The following MEP1A variants were observed in gnomAD, a reference collection of about 807,000 sequenced individuals.
MEP1A encodes meprin A subunit alpha, also known as N-benzoyl-L-tyrosyl-P-amino-benzoic acid hydrolase subunit alpha.
MEP1A carries 68 observed loss-of-function variants against 84.5 expected under a neutral mutation model. That is an observed-to-expected ratio of 0.80 (90% CI 0.66 to 0.98). MEP1A has a LOEUF of 0.98. Ranked by LOEUF, MEP1A falls within the 50% of genes least tolerant of loss-of-function variation. The pLI is 0.00. For missense variants in MEP1A, 887 were observed against 919.9 expected (o/e 0.96, Z 0.46); for synonymous variants, 337 against 336.8 (o/e 1.00, Z -0.01).
chr6:46,796,551 AAG>A (rs1562102071), intron 3 of MEP1A, among the ~76,000 whole-genome samples: 1 of 152,200 alleles, frequency 6.6e-6, no homozygotes. Context: ...TCCCCCAATC[AAG>A]AGAGTCATCT....
chr6:46,819,614 G>C lies in MEP1A; in HGVS notation c.466G>C (p.Glu156Gln), dbSNP rs375010661. The part of the protein sequence containing the change: ...GCAYKAIIEH[E>Q]ILHALGFYHE... ...TGCCTATAAGGCCATCATAGAACAC[G>C]AGATCCTGCATGCTTTGGGATTTTA... The change falls in exon 7 of 14, where the codon GAG (glutamate) becomes CAG (glutamine). Residue 156 changes from glutamate to glutamine, a missense_variant. Transcript: ENST00000230588. The C allele has an allele frequency of 2.5e-6, 4 of 1,614,094 alleles. No individual in the cohort carries two copies. In the East Asian group the frequency reaches 8.9e-5, roughly 36 times the overall value.
chr6:46,809,154 A>G (rs955540928), intron 5 of MEP1A, among the ~76,000 whole-genome samples: 8 of 152,050 alleles, frequency 5.3e-5, no homozygotes, highest in Non-Finnish European at 1.2e-4. Context: ...ATTTAGCCAT[A>G]TACACATGTG....
chr6:46,835,346 A>G lies in MEP1A; in HGVS notation c.1881A>G (p.Glu627=), dbSNP rs1337144545. Residue 627 remains glutamate, a synonymous_variant, in exon 13 of 14, where the codon GAA becomes GAG. Coordinates refer to ENST00000230588, the MANE Select transcript of MEP1A (RefSeq NM_005588.3). Reference sequence around the variant, plus strand: ...AAGGCCAGGAGCAGCAGGTCTCCGAAGAAGGTTCGGGAAAGGCCATGTTAG... The same window carrying G: ...AAGGCCAGGAGCAGCAGGTCTCCGAGGAAGGTTCGGGAAAGGCCATGTTAG... ...ILQGQEQQVS[E]EGSGKAMLEE... The G allele has an allele frequency of 1.4e-5, 22 of 1,610,870 alleles. No individual in the cohort carries two copies. The highest frequency in any genetic ancestry group is 1.9e-5 in the Non-Finnish European group (22 of 1,178,616).
chr6:46,810,141 T>A (rs28785288), intron 6 of MEP1A, among the ~76,000 whole-genome samples: 3 of 152,034 alleles, frequency 2.0e-5, no homozygotes, highest in Non-Finnish European at 4.4e-5. Context: ...TTTTAAAAAT[T>A]TTTTAATTAT....
At chr6:46,825,519 T>G in intron 8 of MEP1A, 26 bp downstream of exon 8, 3 of 1,506,738 alleles carry the variant, frequency 2.0e-6, no homozygotes, top group Middle Eastern at 1.7e-4. Context: ...TCTGAGAACT[T>G]GGTAAACTAG....
chr6:46,811,495 C>T (rs1056553792), intron 6 of MEP1A, among the ~76,000 whole-genome samples: 2 of 151,962 alleles, frequency 1.3e-5, no homozygotes, highest in Admixed American at 1.3e-4. Flanking sequence ...TTGGCTAGGA[C>T]TTCCAGTAGT....
chr6:46,823,218 A>G (rs1445056746), intron 7 of MEP1A, among the ~76,000 whole-genome samples: 1 of 152,242 alleles, frequency 6.6e-6, no homozygotes, highest in Non-Finnish European at 1.5e-5. Flanking sequence ...AGACTCCCTC[A>G]GGCACCTGCT....
At chr6:46,797,792 C>CCCTT (rs1554188240) in intron 3 of MEP1A, among the ~76,000 whole-genome samples, 1 of 136,690 alleles carries the variant, frequency 7.3e-6, no homozygotes, top group Admixed American at 7.4e-5. Context: ...TTCTTTCTTT[C>CCCTT]TCTTTCTTTC....
downstream of MEP1A, among the ~76,000 whole-genome samples, chr6:46,844,383 CAGAGT>C (rs1768380967): frequency 6.6e-6 from 1 of 151,946 alleles, no homozygotes; most frequent in African/African-American, 2.4e-5. Flanking sequence ...ACAGTGATAT[CAGAGT>C]AAAGACAAGA....
At chr6:46,809,799 G>GGT (rs757563081) in intron 6 of MEP1A, among the ~76,000 whole-genome samples, 91 of 149,876 alleles carry the variant, frequency 6.1e-4, no homozygotes, top group East Asian at 1.4e-3. Context: ...AGTAATACAT[G>GGT]GTGTGTGTGT....
downstream of MEP1A, among the ~76,000 whole-genome samples, chr6:46,840,321 A>C (rs1768310920): frequency 6.6e-6 from 1 of 152,216 alleles, no homozygotes; most frequent in Non-Finnish European, 1.5e-5. Context: ...TATCCCAGGG[A>C]GGACTGATTA....
intron 13 of MEP1A, among the ~76,000 whole-genome samples, chr6:46,836,680 A>G (rs1768223971): frequency 6.6e-6 from 1 of 152,070 alleles, no homozygotes; most frequent in Non-Finnish European, 1.5e-5. Flanking sequence ...TGGATCTCAC[A>G]TTACATTTAG....
rs114808887 is a variant in MEP1A, at chr6:46,819,255, C to T, written c.381-274C>T. Among the ~76,000 whole-genome samples, 290 of 152,260 alleles carry T rather than the reference C, an allele frequency of 1.9e-3. 2 individuals are homozygous for T. The highest frequency in any genetic ancestry group is 2.3e-3 in the Non-Finnish European group (156 of 68,014). ...CAATGTTTATTGCTTTCTACCTTGACGAATTGTTATAATAGGATTGATTTG... is the reference window on the plus strand; with the variant it reads ...CAATGTTTATTGCTTTCTACCTTGATGAATTGTTATAATAGGATTGATTTG... On this transcript the variant is annotated intron_variant, in intron 6 of 13. Coordinates refer to ENST00000230588, the MANE Select transcript of MEP1A (RefSeq NM_005588.3).
downstream of MEP1A, among the ~76,000 whole-genome samples, chr6:46,840,128 G>A (rs1272559181): frequency 6.6e-6 from 1 of 152,008 alleles, no homozygotes; most frequent in Non-Finnish European, 1.5e-5. Context: ...GATTCTGAGT[G>A]GTCCTTTAAG....
chr6:46,828,556 A>G (rs1201771611), intron 9 of MEP1A, among the ~76,000 whole-genome samples: 1 of 152,128 alleles, frequency 6.6e-6, no homozygotes, highest in African/African-American at 2.4e-5. Context: ...TTTGATATGG[A>G]GTTGAGTGTT....
Position 46,833,444 on chromosome 6 carries a change from G to A in MEP1A, c.1515G>A (p.Gln505=). The A allele has an allele frequency of 6.2e-7, 1 of 1,614,150 alleles. No individual in the cohort carries two copies. Among genetic ancestry groups the A allele is most frequent in the Non-Finnish European group, 8.5e-7 (1 of 1,180,020 alleles). The change falls in exon 11 of 14, where the codon CAG becomes CAA. Residue 505 remains glutamine, a synonymous_variant. Coordinates refer to ENST00000230588, the MANE Select transcript of MEP1A (RefSeq NM_005588.3). Reference sequence around the variant, plus strand: ...TGGAGTGGCCGGTAGAAAACAGACAGGTGATAATTACCATCCTTGACCAGG... The same window carrying A: ...TGGAGTGGCCGGTAGAAAACAGACAAGTGATAATTACCATCCTTGACCAGG... ...AILEWPVENR[Q]VIITILDQEP...
intron 2 of MEP1A, 21 bp downstream of exon 2, chr6:46,793,597 A>G (rs1336563066): frequency 5.1e-6 from 8 of 1,564,268 alleles, no homozygotes; most frequent in African/African-American, 1.4e-5. Context: ...GTTCAAATGC[A>G]CAGAGAGTGT....
In MEP1A at chr6:46,834,737, T is replaced by C. The variant is rs772221085; in HGVS notation, c.1769T>C (p.Phe590Ser). 2.5e-6 allele frequency: 4 copies of C among 1,611,258 alleles called. No individual in the cohort carries two copies. The highest frequency in any genetic ancestry group is 3.4e-6 in the Non-Finnish European group (4 of 1,179,362). The change falls in exon 12 of 14, where the codon TTT (phenylalanine) becomes TCT (serine). Residue 590 changes from phenylalanine (F) to serine (S), a missense_variant. Transcript: ENST00000230588. ...CTGAAAAATGATGACCTCATCATAT[T>C]TGTGGACTTTGAAGGTACTTTTGTT... The part of the protein sequence containing the change: ...SFLKNDDLII[F>S]VDFEDITHLS...
At chr6:46,812,885 C>A (rs1018800093) in intron 6 of MEP1A, among the ~76,000 whole-genome samples, 3 of 152,036 alleles carry the variant, frequency 2.0e-5, no homozygotes, top group African/African-American at 7.2e-5. Context: ...TGTGGTCTAT[C>A]ATATGGCCTA....
Sources: allele counts gnomAD v4.1 joint callset (sites outside exome capture counted in the v4.1 genomes callset), GRCh38; gene constraint gnomAD v4.1.1; transcripts MANE v1.5; gene names NCBI Gene and HGNC (gene_info 2026-07-23, HGNC 2026-07-21).